PIRT: variants seen among roughly 807,000 people sequenced by gnomAD.
PIRT encodes phosphoinositide interacting regulator of transient receptor potential channels, also known as phosphoinositide-interacting protein.
PIRT carries 6 observed loss-of-function variants against 7.9 expected under a neutral mutation model. The observed-to-expected ratio is 0.76, with a 90% CI of 0.42 to 1.51. The LOEUF (loss-of-function observed/expected upper bound fraction) is 1.51. Ranked by LOEUF, PIRT falls within the 40% of genes most tolerant of loss-of-function variation. The probability of loss-of-function intolerance (pLI) is 0.01; values close to 1 mark genes in which losing one functional copy is unlikely to be tolerated. For synonymous variants in PIRT, 78 were observed against 71.8 expected (o/e 1.09, Z -0.44); for missense variants, 170 against 172.9 (o/e 0.98, Z 0.09).
rs373646361 is a variant in PIRT, at chr17:10,833,581, T to C, written c.-139+4364A>G. Among the ~76,000 whole-genome samples the C allele has an allele frequency of 2.2e-4, 33 of 152,194 alleles. No individual in the cohort carries two copies. The East Asian group carries it at 3.9e-3, about 18-fold the overall frequency. On this transcript the variant is annotated intron_variant, in intron 1 of 1. Transcript: ENST00000580256. ...CAGCCTGGCCAACATGGTGAAACTC[T>C]GTCTCTGCTAAAAATACAAAAAATC...
At position 10,822,623 on chromosome 17, in the gene PIRT, GAAAA is replaced by G. The variant is rs1905231198; in HGVS notation, c.*2605_*2608del. ...GTTCTGTCCTTTGACCCACTGACGT[GAAAA>G]GAGTCATTGCAGGTGATGCTTTGTT... On this transcript the variant is annotated 3_prime_UTR_variant, in exon 2 of 2. Coordinates refer to ENST00000580256, the MANE Select transcript of PIRT (RefSeq NM_001101387.2). 1 of 152,202 alleles carries G rather than the reference GAAAA, an allele frequency of 6.6e-6. No homozygotes were observed. The highest frequency in any genetic ancestry group is 1.5e-5 in the Non-Finnish European group (1 of 68,054). 9.4% of individuals were successfully genotyped at this position (152,202 alleles called of 1,614,324 possible).
chr17:10,835,330 T>C (rs1449877834), intron 1 of PIRT, among the ~76,000 whole-genome samples: 1 of 152,216 alleles, frequency 6.6e-6, no homozygotes. Context: ...CATTGCCTCA[T>C]TTCATCCTCC....
chr17:10,828,526 A>C (rs927362813), intron 1 of PIRT, among the ~76,000 whole-genome samples: 2 of 152,114 alleles, frequency 1.3e-5, no homozygotes. Flanking sequence ...ATAGCAAAAA[A>C]ATTGTATTGG....
chr17:10,836,978 C>T (rs1031557213), intron 1 of PIRT, among the ~76,000 whole-genome samples: 1 of 152,172 alleles, frequency 6.6e-6, no homozygotes, highest in African/African-American at 2.4e-5. Context: ...CTTCCCCTCA[C>T]CAGGACATTC....
intron 1 of PIRT, among the ~76,000 whole-genome samples, 151 bp downstream of exon 1, chr17:10,837,794 C>T (rs1228457636): frequency 6.6e-6 from 1 of 152,230 alleles, no homozygotes; most frequent in Non-Finnish European, 1.5e-5. Flanking sequence ...CACCCCCTCC[C>T]AGGGCATAGC....
At position 10,825,690 on chromosome 17, in the gene PIRT, A is replaced by G. The variant is rs368712401; in HGVS notation, c.-45T>C. On this transcript the variant is annotated 5_prime_UTR_variant, in exon 2 of 2. Coordinates refer to ENST00000580256, the MANE Select transcript of PIRT (RefSeq NM_001101387.2). ...CCTAGGACCAGCAATAGTTGGAAAC[A>G]AGAGTGGAGCCAAAGGAATCCTCAC... 6.1e-4 allele frequency: 885 copies of G among 1,446,842 alleles called. No individual in the cohort carries two copies. Among genetic ancestry groups the G allele is most frequent in the Non-Finnish European group, 7.7e-4 (847 of 1,097,528 alleles). The allele number at this position is 1,446,842 out of a possible 1,614,324, so 89.6% of individuals were successfully genotyped here.
chr17:10,835,692 G>T (rs999025242), intron 1 of PIRT, among the ~76,000 whole-genome samples: 6 of 152,354 alleles, frequency 3.9e-5, no homozygotes, highest in African/African-American at 1.2e-4. Context: ...GGGCCAGCAA[G>T]CAGCAAGAGG....
chr17:10,835,107 A>C (rs28663444), intron 1 of PIRT, among the ~76,000 whole-genome samples: 27,023 of 152,040 alleles, frequency 0.18, 2,507 homozygotes, highest in African/African-American at 0.2. Context: ...CCCTGCCTCC[A>C]TTCTTTGGCC....
At position 10,837,333 on chromosome 17, in the gene PIRT, G is replaced by A. The variant is rs375643456; in HGVS notation, c.-139+612C>T. Among the ~76,000 whole-genome samples the A allele has an allele frequency of 9.8e-5, 15 of 152,366 alleles. No individual in the cohort carries two copies. The East Asian group carries it at 1.5e-3, about 16-fold the overall frequency. On this transcript the variant is annotated intron_variant, in intron 1 of 1. Coordinates refer to ENST00000580256, the MANE Select transcript of PIRT (RefSeq NM_001101387.2). ...GCCTGACTGAGCCACGTCTTTGTCC[G>A]TGTTTGCATGTGCCTGCCTTGTTCC...
intron 1 of PIRT, among the ~76,000 whole-genome samples, chr17:10,835,182 C>T (rs1390040705): frequency 6.6e-6 from 1 of 152,206 alleles, no homozygotes; most frequent in African/African-American, 2.4e-5. Context: ...ACAAAAATCT[C>T]CAATGTACCT....
At position 10,825,666 on chromosome 17, in the gene PIRT, C is replaced by T; in HGVS notation, c.-21G>A. 1 of 1,453,128 alleles carries T rather than the reference C, an allele frequency of 6.9e-7. No individual in the cohort carries two copies. Among genetic ancestry groups the T allele is most frequent in the Non-Finnish European group, 9.1e-7 (1 of 1,100,804 alleles). The allele number at this position is 1,453,128 out of a possible 1,614,324, so 90.0% of individuals were successfully genotyped here. A position where few individuals can be genotyped will look rare whatever the true frequency, so the allele number is the denominator to read the frequency against. ...GTCATGGTTGCTCAGGACTGGGCGC[C>T]TAGGACCAGCAATAGTTGGAAACAA... On this transcript the variant is annotated 5_prime_UTR_variant, in exon 2 of 2. An upstream open reading frame in the 5' UTR loses its in-frame stop. Coordinates refer to ENST00000580256, the MANE Select transcript of PIRT (RefSeq NM_001101387.2).
intron 1 of PIRT, among the ~76,000 whole-genome samples, chr17:10,826,960 G>A (rs1782939550): frequency 6.6e-6 from 1 of 151,978 alleles, no homozygotes; most frequent in Admixed American, 6.6e-5. Context: ...TTACAGGCAT[G>A]CACCACCACA....
In PIRT at chr17:10,829,887, T is replaced by C. The variant is rs934482109; in HGVS notation, c.-138-4104A>G. On this transcript the variant is annotated intron_variant, in intron 1 of 1. Transcript: ENST00000580256. Reference sequence around the variant, plus strand: ...TTAGAATAGTCTTCATTTTATGAAATAATTATGATGGAAGAGGATCATTGG... The same window carrying C: ...TTAGAATAGTCTTCATTTTATGAAACAATTATGATGGAAGAGGATCATTGG... Among the ~76,000 whole-genome samples the C allele has an allele frequency of 7.9e-5, 12 of 152,188 alleles. No individual in the cohort carries two copies. The South Asian group carries it at 2.3e-3, about 29-fold the overall frequency.
chr17:10,832,188 C>T (rs890354115), intron 1 of PIRT, among the ~76,000 whole-genome samples: 3 of 150,848 alleles, frequency 2.0e-5, no homozygotes, highest in East Asian at 1.9e-4. Context: ...GTGCTGGCAA[C>T]GTTCTGATTC....
chr17:10,836,209 G>T (rs1204565425), intron 1 of PIRT, among the ~76,000 whole-genome samples: 2 of 152,114 alleles, frequency 1.3e-5, no homozygotes, highest in Non-Finnish European at 2.9e-5. Context: ...GGCCAATCCT[G>T]CTCTTTTATT....
chr17:10,830,731 C>T (rs1284492605), intron 1 of PIRT, among the ~76,000 whole-genome samples: 1 of 152,134 alleles, frequency 6.6e-6, no homozygotes, highest in Non-Finnish European at 1.5e-5. Flanking sequence ...AATTCATGGG[C>T]TGTAGGAGTT....
intron 1 of PIRT, among the ~76,000 whole-genome samples, chr17:10,836,506 T>C (rs552441752): frequency 6.6e-6 from 1 of 152,310 alleles, no homozygotes; most frequent in East Asian, 1.9e-4. Flanking sequence ...GACCAACGCA[T>C]GCAAAAAATG....
chr17:10,828,921 C>T (rs928039666), intron 1 of PIRT, among the ~76,000 whole-genome samples: 1 of 152,242 alleles, frequency 6.6e-6, no homozygotes, highest in African/African-American at 2.4e-5. Context: ...TGGATCTCTG[C>T]TTCCTAAGAC....
At position 10,822,725 on chromosome 17, in the gene PIRT, A is replaced by G. The variant is rs1905233292; in HGVS notation, c.*2507T>C. On this transcript the variant is annotated 3_prime_UTR_variant, in exon 2 of 2. Coordinates refer to ENST00000580256, the MANE Select transcript of PIRT (RefSeq NM_001101387.2). ...TCCGTACCTCAGCCTTCCATGGGGT[A>G]ACAGGCATTGGCAAAAAATGTCCTG... 6.6e-6 allele frequency: 1 copy of G among 152,228 alleles called. No individual in the cohort carries two copies. The highest frequency in any genetic ancestry group is 6.5e-5 in the Admixed American group (1 of 15,286). The allele number at this position is 152,228 out of a possible 1,614,324, so 9.4% of individuals were successfully genotyped here. A position where few individuals can be genotyped will look rare whatever the true frequency, so the allele number is the denominator to read the frequency against.
Sources: allele counts gnomAD v4.1 joint callset (sites outside exome capture counted in the v4.1 genomes callset), GRCh38; gene constraint gnomAD v4.1.1; transcripts MANE v1.5; gene names NCBI Gene and HGNC (gene_info 2026-07-23, HGNC 2026-07-21).